C10orf90: variants seen among roughly 807,000 people sequenced by gnomAD.
The protein encoded by C10orf90 is (E2-independent) E3 ubiquitin-conjugating enzyme FATS.
A neutral mutation model predicts 62.5 loss-of-function variants in C10orf90; 56 were observed. The ratio of observed to expected loss-of-function variants is 0.90; its 90% CI spans 0.72 to 1.12. The LOEUF is 1.12. Among genes scored for constraint, C10orf90 ranks in the 50% most tolerant of loss-of-function variants. The probability of loss-of-function intolerance (pLI) is 0.00; values close to 1 mark genes in which losing one functional copy is unlikely to be tolerated. For synonymous variants in C10orf90, 386 were observed against 340.4 expected, an observed-to-expected ratio of 1.13 and a Z score of -1.47; for missense variants, 970 against 880.4, an observed-to-expected ratio of 1.10 and a Z score of -1.29.
chr10:126,659,662 G>A (rs1392715837), intron 1 of C10orf90, among the ~76,000 whole-genome samples: 1 of 152,112 alleles, frequency 6.6e-6, no homozygotes, highest in East Asian at 1.9e-4. Context: ...TTTTGGAATT[G>A]GATTAATGAA....
intron 2 of C10orf90, among the ~76,000 whole-genome samples, chr10:126,586,465 C>T (rs1591122842): frequency 6.6e-6 from 1 of 152,212 alleles, no homozygotes; most frequent in African/African-American, 2.4e-5. Flanking sequence ...GGCGCTCTTT[C>T]GTGAGTCCAT....
intron 2 of C10orf90, among the ~76,000 whole-genome samples, chr10:126,591,935 A>G (rs1844988206): frequency 6.6e-6 from 1 of 152,110 alleles, no homozygotes; most frequent in South Asian, 2.1e-4. Flanking sequence ...TCATGAATGA[A>G]CTCCCATTCA....
intron 7 of C10orf90, among the ~76,000 whole-genome samples, chr10:126,432,927 G>A (rs138567608): frequency 8.0e-4 from 122 of 152,334 alleles, no homozygotes; most frequent in African/African-American, 2.7e-3. Flanking sequence ...AAGAGAGTTG[G>A]AGAGCCATGT....
chr10:126,428,539 C>G (rs1484913179), intron 8 of C10orf90, among the ~76,000 whole-genome samples: 2 of 152,060 alleles, frequency 1.3e-5, no homozygotes, highest in African/African-American at 4.8e-5. Flanking sequence ...CTGGGGGAAG[C>G]CAGTTACTTG....
intron 1 of C10orf90, among the ~76,000 whole-genome samples, chr10:126,654,185 G>A (rs1175125698): frequency 1.3e-5 from 2 of 152,156 alleles, no homozygotes; most frequent in Admixed American, 6.5e-5. Flanking sequence ...CCTAACAAGA[G>A]AGTCAGCCTG....
intron 7 of C10orf90, among the ~76,000 whole-genome samples, chr10:126,443,879 C>T (rs748954315): frequency 4.6e-5 from 7 of 152,050 alleles, no homozygotes; most frequent in African/African-American, 7.2e-5. Context: ...ATACACAAGT[C>T]AATAAATATA....
At chr10:126,583,387 C>G (rs2134018336) in intron 2 of C10orf90, among the ~76,000 whole-genome samples, 1 of 152,268 alleles carries the variant, frequency 6.6e-6, no homozygotes, top group African/African-American at 2.4e-5. Context: ...AAGTCATCTT[C>G]CTTTATTGGG....
intron 2 of C10orf90, among the ~76,000 whole-genome samples, chr10:126,633,592 G>A (rs1008284009): frequency 3.3e-5 from 5 of 152,210 alleles, no homozygotes; most frequent in Non-Finnish European, 7.3e-5. Context: ...GGCTGAGCAT[G>A]GAGACCAACT....
Position 126,504,649 on chromosome 10 carries a change from G to A in C10orf90, c.842C>T (p.Ala281Val), listed in dbSNP as rs1205717298. ...AGATCTCTGATGCCGACCTGGATGG[G>A]CGCCATTGGCCAGAGCCGGGGGCGC... ...FQAPPALANG[A>V]HPGRHQRSFA... Residue 281 changes from alanine (A) to valine (V), a missense_variant, in exon 4 of 10, where the codon GCC (alanine) becomes GTC (valine). Transcript: ENST00000488181. This position sits in a 1 kb window ranked among gnomAD's most constrained non-coding sequence, Gnocchi z 4.1. 2 of 1,614,238 alleles carry A rather than the reference G, an allele frequency of 1.2e-6. No individual in the cohort carries two copies. Among genetic ancestry groups the A allele is most frequent in the Non-Finnish European group, 1.7e-6 (2 of 1,180,046 alleles).
intron 2 of C10orf90, among the ~76,000 whole-genome samples, chr10:126,530,119 C>A (rs1258191915): frequency 6.6e-6 from 1 of 151,930 alleles, no homozygotes; most frequent in Non-Finnish European, 1.5e-5. Context: ...CCCCTGAAAA[C>A]AACAAAAATG....
chr10:126,439,098 T>C (rs2134015851), intron 7 of C10orf90, among the ~76,000 whole-genome samples: 1 of 152,146 alleles, frequency 6.6e-6, no homozygotes, highest in African/African-American at 2.4e-5. Flanking sequence ...TTCCTGGTGG[T>C]AGAAAAAGCA....
intron 2 of C10orf90, among the ~76,000 whole-genome samples, chr10:126,606,017 A>C (rs1301296832): frequency 6.6e-6 from 1 of 152,212 alleles, no homozygotes; most frequent in African/African-American, 2.4e-5. Flanking sequence ...GATTCAAATT[A>C]GTAGCCTTGA....
intron 2 of C10orf90, among the ~76,000 whole-genome samples, chr10:126,608,472 G>A (rs191908555): frequency 3.3e-5 from 5 of 152,214 alleles, no homozygotes; most frequent in East Asian, 3.9e-4. Context: ...TATATTTTAC[G>A]ATATATGCAC....
intron 2 of C10orf90, among the ~76,000 whole-genome samples, chr10:126,592,879 A>T (rs748012376): frequency 6.6e-6 from 1 of 152,240 alleles, no homozygotes; most frequent in Non-Finnish European, 1.5e-5. Context: ...TAGGCAAAGG[A>T]TGTGAACAGA....
intron 1 of C10orf90, among the ~76,000 whole-genome samples, chr10:126,666,794 T>G (rs1314460651): frequency 6.6e-6 from 1 of 151,882 alleles, no homozygotes; most frequent in South Asian, 2.1e-4. Context: ...CTGGCCAATA[T>G]GGTAAAACCC....
chr10:126,528,956 C>G (rs1428280638), intron 2 of C10orf90, among the ~76,000 whole-genome samples: 1 of 152,102 alleles, frequency 6.6e-6, no homozygotes, highest in African/African-American at 2.4e-5. Context: ...GATATCAAAA[C>G]TTATTATAAA....
intron 1 of C10orf90, among the ~76,000 whole-genome samples, chr10:126,656,934 C>G (rs77260010): frequency 0.013 from 1,917 of 152,242 alleles, 39 homozygotes; most frequent in African/African-American, 0.044. Flanking sequence ...ACAACTAGTT[C>G]GGGAAACAGG....
chr10:126,467,130 A>G (rs1860332263), intron 4 of C10orf90, among the ~76,000 whole-genome samples: 1 of 152,186 alleles, frequency 6.6e-6, no homozygotes. Context: ...ATTTTAATCT[A>G]TCTATCATCT....
intron 4 of C10orf90, among the ~76,000 whole-genome samples, chr10:126,494,709 A>G (rs1203772009): frequency 6.6e-6 from 1 of 152,204 alleles, no homozygotes; most frequent in African/African-American, 2.4e-5. Flanking sequence ...TTAACTTCCG[A>G]TTCTATAGAC....
Sources: gnomAD v4.1 joint callset for allele counts (sites outside exome capture counted in the v4.1 genomes callset) on GRCh38, gnomAD v4.1.1 for gene constraint, Gnocchi (gnomAD v3.1) non-coding constraint, MANE v1.5 for transcripts, NCBI Gene and HGNC (gene_info 2026-07-23, HGNC 2026-07-21) for gene names.